Variants in YEATS4 observed in about 807,000 individuals in gnomAD.
YEATS4 encodes the protein YEATS domain containing 4.
In YEATS4, 17 loss-of-function variants were observed where a neutral mutation model predicts 30.1. That is an observed-to-expected ratio of 0.56 (90% confidence interval 0.39 to 0.85). The LOEUF (loss-of-function observed/expected upper bound fraction) is 0.85. YEATS4 is among the 40% of genes least tolerant of loss of function. The probability of loss-of-function intolerance (pLI) is 0.00; values close to 1 mark genes in which losing one functional copy is unlikely to be tolerated. For missense variants in YEATS4, 142 were observed against 268.3 expected, an observed-to-expected ratio of 0.53 and a Z score of 3.29; for synonymous variants, 85 against 87.5, an observed-to-expected ratio of 0.97 and a Z score of 0.16.
At position 69,359,926 on chromosome 12, in the gene YEATS4, GC is replaced by G. The variant is rs1182218580; in HGVS notation, c.-43del. ...TCTGAGGGGAGCGGCGACCCCGCCA[GC>G]CCCGGTCTCTTTCCCTGGCGGCGGC... On this transcript the variant is annotated 5_prime_UTR_variant, in exon 1 of 7. Coordinates refer to ENST00000247843, the MANE Select transcript of YEATS4 (RefSeq NM_006530.4). The G allele has an allele frequency of 6.2e-7, 1 of 1,610,400 alleles. No homozygotes were observed. Among genetic ancestry groups the G allele is most frequent in the African/African-American group, 1.3e-5 (1 of 74,742 alleles).
chr12:69,393,511 GAAA>G (rs11443013), downstream of YEATS4, among the ~76,000 whole-genome samples: 1 of 143,500 alleles, frequency 7.0e-6, no homozygotes, highest in Non-Finnish European at 1.5e-5. Context: ...TACCAGCTAG[GAAA>G]AAAAAAAGAG....
chr12:69,381,561 A>G (rs1020108942), intron 6 of YEATS4, among the ~76,000 whole-genome samples: 2 of 152,208 alleles, frequency 1.3e-5, no homozygotes, highest in African/African-American at 2.4e-5. Flanking sequence ...AAAGACAGGC[A>G]TAGGAAATCA....
intron 6 of YEATS4, among the ~76,000 whole-genome samples, chr12:69,372,303 G>A (rs1056050312): frequency 3.3e-5 from 5 of 152,166 alleles, no homozygotes; most frequent in African/African-American, 9.6e-5. Flanking sequence ...ATGAGATATC[G>A]ATCACCTCAA....
intron 6 of YEATS4, among the ~76,000 whole-genome samples, chr12:69,386,863 C>T (rs1198099356): frequency 6.6e-6 from 1 of 151,976 alleles, no homozygotes; most frequent in Non-Finnish European, 1.5e-5. Flanking sequence ...ACTGTTTTTT[C>T]CTATACATAT....
chr12:69,370,265 T>G (rs1024889905), intron 4 of YEATS4, among the ~76,000 whole-genome samples: 1 of 152,232 alleles, frequency 6.6e-6, no homozygotes. Flanking sequence ...ATTTATGTAA[T>G]AATCTTATAG....
chr12:69,365,485 G>A, intron 2 of YEATS4, 148 bp from the exon 3 acceptor site: 1 of 602,102 alleles, frequency 1.7e-6, no homozygotes, highest in Non-Finnish European at 2.8e-6. Context: ...TAACTTCCCA[G>A]GTGTAGTTCA....
chr12:69,370,950 A>AAAT lies in YEATS4; in HGVS notation c.489_490insAAT (p.Leu163_Gly164insAsn). 1 of 1,612,828 alleles carries AAAT rather than the reference A, an allele frequency of 6.2e-7. No homozygotes were observed. Among genetic ancestry groups the AAAT allele is most frequent in the African/African-American group, 1.3e-5 (1 of 75,014 alleles). On this transcript the variant is annotated inframe_insertion, in exon 6 of 7. Transcript: ENST00000247843. ...TGACAACATCTCGTCAGCTAACATTAGGAGCCTATAAGCATGAAACAGAAT... is the reference window on the plus strand; with the variant it reads ...TGACAACATCTCGTCAGCTAACATTAAATGGAGCCTATAAGCATGAAACAGAAT...
At chr12:69,419,615 G>A in the YEATS4 span, among the ~76,000 whole-genome samples, 1 of 152,072 alleles carries the variant, frequency 6.6e-6, no homozygotes, top group Non-Finnish European at 1.5e-5. Context: ...GCCAGGCCCC[G>A]GCTTAGTACC....
chr12:69,388,173 G>A (rs911447398), intron 6 of YEATS4, among the ~76,000 whole-genome samples: 4 of 151,820 alleles, frequency 2.6e-5, no homozygotes, highest in Admixed American at 6.6e-5. Flanking sequence ...CCATTCTCCC[G>A]CCTCAGCCTC....
intron 2 of YEATS4, among the ~76,000 whole-genome samples, chr12:69,364,683 G>A (rs529675714): frequency 2.0e-5 from 3 of 152,132 alleles, no homozygotes; most frequent in African/African-American, 7.2e-5. Context: ...GCAATGGTGT[G>A]ATCTCAGCTT....
chr12:69,367,416 G>A (rs962968957), intron 4 of YEATS4, among the ~76,000 whole-genome samples: 3 of 151,940 alleles, frequency 2.0e-5, no homozygotes, highest in Non-Finnish European at 4.4e-5. Flanking sequence ...TGCCCAGGCT[G>A]GAGTACAGTG....
intron 6 of YEATS4, among the ~76,000 whole-genome samples, chr12:69,371,462 C>T (rs574284607): frequency 2.8e-4 from 43 of 152,208 alleles, no homozygotes; most frequent in Non-Finnish European, 5.3e-4. Flanking sequence ...TGTATTTTCT[C>T]TCTAAGCTGA....
chr12:69,426,745 G>A, the YEATS4 span, among the ~76,000 whole-genome samples: 1 of 152,274 alleles, frequency 6.6e-6, no homozygotes, highest in Non-Finnish European at 1.5e-5. Flanking sequence ...ATTTGTTTAA[G>A]GAAACCATTA....
the YEATS4 span, chr12:69,401,253 AG>A: frequency 6.6e-6 from 1 of 152,228 alleles, no homozygotes; most frequent in South Asian, 2.1e-4. Flanking sequence ...CTTCACTGAT[AG>A]GAAATACTTT....
intron 4 of YEATS4, among the ~76,000 whole-genome samples, chr12:69,366,742 C>T (rs1875450126): frequency 6.6e-6 from 1 of 152,136 alleles, no homozygotes; most frequent in African/African-American, 2.4e-5. Context: ...TAGCACCAAA[C>T]ATTTACATTT....
chr12:69,418,119 G>T, the YEATS4 span, among the ~76,000 whole-genome samples: 1 of 152,198 alleles, frequency 6.6e-6, no homozygotes, highest in Non-Finnish European at 1.5e-5. Flanking sequence ...CATTTTAGCA[G>T]TGACTTCAGC....
intron 6 of YEATS4, among the ~76,000 whole-genome samples, chr12:69,378,723 C>G (rs1305791269): frequency 6.6e-6 from 1 of 152,048 alleles, no homozygotes; most frequent in Non-Finnish European, 1.5e-5. Flanking sequence ...TATCTTATTG[C>G]TATCTATGTC....
chr12:69,375,365 C>T (rs1270198050), intron 6 of YEATS4, among the ~76,000 whole-genome samples: 1 of 151,554 alleles, frequency 6.6e-6, no homozygotes, highest in African/African-American at 2.4e-5. Context: ...CAGAGACGCT[C>T]CTCACTTCCT....
chr12:69,426,199 C>G, the YEATS4 span, among the ~76,000 whole-genome samples: 1 of 152,086 alleles, frequency 6.6e-6, no homozygotes, highest in Non-Finnish European at 1.5e-5. Context: ...CATGATTGCA[C>G]CACTGAACTC....
Sources: gnomAD v4.1 joint callset for allele counts (sites outside exome capture counted in the v4.1 genomes callset) on GRCh38, gnomAD v4.1.1 for gene constraint, MANE v1.5 for transcripts, NCBI Gene and HGNC (gene_info 2026-07-23, HGNC 2026-07-21) for gene names.